The following SGCZ variants were observed in gnomAD, a reference collection of about 807,000 sequenced individuals.
The protein encoded by SGCZ is sarcoglycan zeta.
In SGCZ, 40 loss-of-function variants were observed where a neutral mutation model predicts 41.3. The ratio of observed to expected loss-of-function variants is 0.97; its 90% CI spans 0.75 to 1.26. The LOEUF is 1.26. SGCZ is among the 50% of genes most tolerant of loss of function. SGCZ has a pLI of 0.00. For synonymous variants in SGCZ, 206 were observed against 137.5 expected (o/e 1.50, Z -3.49); for missense variants, 552 against 369.8 (o/e 1.49, Z -4.04).
chr8:15,213,376 T>C (rs192470064), intron 1 of SGCZ, among the ~76,000 whole-genome samples: 2 of 151,888 alleles, frequency 1.3e-5, no homozygotes, highest in African/African-American at 4.8e-5. Context: ...TAGAAAAATA[T>C]TACCTAAACT....
At chr8:15,070,692 A>G (rs940941027) in intron 1 of SGCZ, among the ~76,000 whole-genome samples, 1 of 152,148 alleles carries the variant, frequency 6.6e-6, no homozygotes, top group East Asian at 1.9e-4. Flanking sequence ...GCTCAGTGTG[A>G]TATTTAGATT....
At chr8:14,969,187 A>G (rs570988576) in intron 1 of SGCZ, among the ~76,000 whole-genome samples, 2 of 152,198 alleles carry the variant, frequency 1.3e-5, no homozygotes, top group Non-Finnish European at 2.9e-5. Context: ...TTAAAATCCA[A>G]TATGTCACCT....
intron 1 of SGCZ, among the ~76,000 whole-genome samples, chr8:15,185,860 A>C (rs1262087050): frequency 3.3e-5 from 5 of 152,116 alleles, no homozygotes; most frequent in African/African-American, 1.2e-4. Context: ...TATTTTAAAC[A>C]CACTGTATTT....
intron 1 of SGCZ, among the ~76,000 whole-genome samples, chr8:14,601,135 T>A (rs1805577415): frequency 6.6e-6 from 1 of 151,730 alleles, no homozygotes; most frequent in Non-Finnish European, 1.5e-5. Context: ...TGATTATTTT[T>A]CTGCTAATAT....
intron 4 of SGCZ, among the ~76,000 whole-genome samples, chr8:14,214,513 C>A (rs1012854202): frequency 5.3e-5 from 8 of 152,052 alleles, no homozygotes; most frequent in Admixed American, 1.3e-4. Flanking sequence ...CTGGAACTTT[C>A]TGTACTAGTT....
intron 1 of SGCZ, among the ~76,000 whole-genome samples, chr8:15,209,475 TAA>T (rs57088562): frequency 3.9e-4 from 55 of 142,132 alleles, no homozygotes; most frequent in African/African-American, 1.4e-3. Flanking sequence ...AGCATAATAG[TAA>T]AAAAAAAAAA....
At chr8:15,220,601 G>A (rs1340815979) in intron 1 of SGCZ, among the ~76,000 whole-genome samples, 1 of 152,176 alleles carries the variant, frequency 6.6e-6, no homozygotes, top group Admixed American at 6.5e-5. Context: ...GGAAGACAGT[G>A]TGTCGATTCC....
chr8:14,731,610 T>A (rs1290550528), intron 1 of SGCZ, among the ~76,000 whole-genome samples: 1 of 152,224 alleles, frequency 6.6e-6, no homozygotes, highest in Non-Finnish European at 1.5e-5. Context: ...TCAGTAATCA[T>A]GTTTTACCAC....
At chr8:14,150,039 G>GACTT (rs1219484879) in intron 5 of SGCZ, among the ~76,000 whole-genome samples, 2 of 152,162 alleles carry the variant, frequency 1.3e-5, no homozygotes, top group East Asian at 3.9e-4. Flanking sequence ...ATGGATTAAA[G>GACTT]ACTTAACTCT....
chr8:14,170,450 T>C (rs1044627722), intron 4 of SGCZ, among the ~76,000 whole-genome samples: 1 of 152,142 alleles, frequency 6.6e-6, no homozygotes, highest in African/African-American at 2.4e-5. Flanking sequence ...ATTGTGTGAC[T>C]ACCTAGCAAG....
At chr8:14,187,361 C>A (rs1214198797) in intron 4 of SGCZ, among the ~76,000 whole-genome samples, 1 of 151,862 alleles carries the variant, frequency 6.6e-6, no homozygotes, top group Non-Finnish European at 1.5e-5. Flanking sequence ...AAAAAGCAGG[C>A]AACAGAAACT....
chr8:14,597,388 A>T (rs1054229802), intron 1 of SGCZ, among the ~76,000 whole-genome samples: 16 of 152,218 alleles, frequency 1.1e-4, no homozygotes, highest in African/African-American at 3.6e-4. Context: ...ATAAAACATA[A>T]GATAATTTAT....
rs111320812 is a variant in SGCZ at position 14,164,745 on chromosome 8, G to C, written c.425-43C>G. On this transcript the variant is annotated intron_variant, in intron 4 of 7. Coordinates refer to ENST00000382080, the MANE Select transcript of SGCZ (RefSeq NM_139167.4). The stretch of plus-strand genomic sequence containing the variant: ...GTTTAAAAATGAAACTGGTATGCAG[G>C]AAACCATTAACATGTATTTTTTGGA... The C allele has an allele frequency of 7.5e-6, 12 of 1,604,072 alleles. No homozygotes were observed. The African/African-American group carries it at 8.1e-5, about 11-fold the overall frequency.
intron 1 of SGCZ, among the ~76,000 whole-genome samples, chr8:14,745,917 A>T (rs890464083): frequency 2.0e-5 from 3 of 152,108 alleles, no homozygotes; most frequent in Non-Finnish European, 2.9e-5. Flanking sequence ...ATTTTTTTTT[A>T]AAAGACTTAT....
chr8:14,156,751 C>T (rs960000578), intron 5 of SGCZ, among the ~76,000 whole-genome samples: 3 of 152,102 alleles, frequency 2.0e-5, no homozygotes, highest in African/African-American at 4.8e-5. Context: ...AGAAAATACC[C>T]GTAGCCCAGG....
intron 1 of SGCZ, among the ~76,000 whole-genome samples, chr8:15,006,734 G>C (rs900038094): frequency 6.6e-6 from 1 of 152,146 alleles, no homozygotes; most frequent in Non-Finnish European, 1.5e-5. Flanking sequence ...ATCTTGACGA[G>C]ATTACATTTT....
chr8:14,227,314 A>G (rs973826347), intron 4 of SGCZ, among the ~76,000 whole-genome samples: 3 of 152,124 alleles, frequency 2.0e-5, no homozygotes, highest in African/African-American at 7.2e-5. Flanking sequence ...AAATTTATGA[A>G]TTATTAACAT....
rs73664336 is a variant in SGCZ at position 14,381,426 on chromosome 8, C to T, written c.235-57222G>A. 9.3e-3 allele frequency among the ~76,000 whole-genome samples: 1,420 copies of T among 152,216 alleles called. 27 individuals are homozygous for T. Among genetic ancestry groups the T allele is most frequent in the African/African-American group, 0.031 (1,305 of 41,508 alleles). On this transcript the variant is annotated intron_variant, in intron 2 of 7. Coordinates refer to ENST00000382080, the MANE Select transcript of SGCZ (RefSeq NM_139167.4). Reference sequence around the variant, plus strand: ...ATAATCCATATTTTACCACTTCCTGCCCCCTCATTCCCATATAACTCCCTG... The same window carrying T: ...ATAATCCATATTTTACCACTTCCTGTCCCCTCATTCCCATATAACTCCCTG...
intron 5 of SGCZ, among the ~76,000 whole-genome samples, chr8:14,152,499 T>TA (rs1803741531): frequency 6.6e-6 from 1 of 152,070 alleles, no homozygotes; most frequent in Non-Finnish European, 1.5e-5. Context: ...TCCTGTCTCT[T>TA]AAAGCACAAT....
Sources: gnomAD v4.1 joint callset for allele counts (sites outside exome capture counted in the v4.1 genomes callset) on GRCh38, gnomAD v4.1.1 for gene constraint, MANE v1.5 for transcripts, NCBI Gene and HGNC (gene_info 2026-07-23, HGNC 2026-07-21) for gene names.